Variants in NRXN3 observed in about 807,000 individuals in gnomAD.
NRXN3 encodes the protein neurexin 3.
A neutral mutation model predicts 137.6 loss-of-function variants in NRXN3; 32 were observed. The ratio of observed to expected loss-of-function variants is 0.23; its 90% CI spans 0.18 to 0.31. The LOEUF (loss-of-function observed/expected upper bound fraction) is 0.31, where lower values mean the gene tolerates loss of function less well. Ranked by LOEUF, NRXN3 falls within the 10% of genes least tolerant of loss-of-function variation. The pLI, the probability that NRXN3 is intolerant of heterozygous loss-of-function variation, is 1.00. For synonymous variants in NRXN3, 798 were observed against 784.5 expected (o/e 1.02, Z -0.29); for missense variants, 1,574 against 2,062.5 (o/e 0.76, Z 4.59).
intron 4 of NRXN3, among the ~76,000 whole-genome samples, chr14:78,597,286 C>T (rs1441199502): frequency 1.3e-5 from 2 of 152,208 alleles, no homozygotes; most frequent in Non-Finnish European, 2.9e-5. Context: ...CCCCTCCACA[C>T]TGTACTGATG....
chr14:78,778,006 G>A (rs138601700), intron 8 of NRXN3, among the ~76,000 whole-genome samples: 12 of 152,138 alleles, frequency 7.9e-5, no homozygotes, highest in Non-Finnish European at 1.5e-4. Flanking sequence ...CAAGTGATCC[G>A]CCCACCTCAG....
At chr14:78,989,487 C>G (rs1364682287) in intron 15 of NRXN3, among the ~76,000 whole-genome samples, 1 of 152,088 alleles carries the variant, frequency 6.6e-6, no homozygotes, top group Admixed American at 6.6e-5. Context: ...ATTACATAAG[C>G]ATATGTCTCT....
chr14:78,517,433 T>C (rs539531421), intron 4 of NRXN3, among the ~76,000 whole-genome samples: 193 of 152,264 alleles, frequency 1.3e-3, no homozygotes, highest in African/African-American at 4.2e-3. Context: ...CCAACTGTGG[T>C]TACAGCACAG....
At chr14:78,323,167 T>C (rs1046201061) in intron 4 of NRXN3, among the ~76,000 whole-genome samples, 1 of 152,102 alleles carries the variant, frequency 6.6e-6, no homozygotes, top group African/African-American at 2.4e-5. Flanking sequence ...TAAAATTGTA[T>C]ATATCTTCCC....
Position 79,563,207 on chromosome 14 carries a change from G to A in NRXN3, c.3444+95805G>A, listed in dbSNP as rs535531256. 9.2e-5 allele frequency among the ~76,000 whole-genome samples: 14 copies of A among 152,242 alleles called. No individual in the cohort carries two copies. The East Asian group carries it at 2.3e-3, about 25-fold the overall frequency. The stretch of plus-strand genomic sequence containing the variant: ...TATCCATAGAGAATAATATTAGAGC[G>A]AGGATCTAGTGTATTATTCCCATTT... On this transcript the variant is annotated intron_variant, in intron 16 of 20. Coordinates refer to ENST00000335750, the MANE Select transcript of NRXN3 (RefSeq NM_001330195.2).
In NRXN3 at chr14:79,413,050, A is replaced by G. The variant is rs192267999; in HGVS notation, c.3263-54171A>G. ...TCCTTGCCCTTCATATAATGTCCCA[A>G]TAGACACTTAACCTGACTCTACTTC... On this transcript the variant is annotated intron_variant, in intron 15 of 20. Transcript: ENST00000335750. 5.9e-5 allele frequency among the ~76,000 whole-genome samples: 9 copies of G among 152,266 alleles called. No individual in the cohort carries two copies. The East Asian group carries it at 9.7e-4, about 16-fold the overall frequency.
At chr14:78,318,057 G>A (rs193254429) in intron 4 of NRXN3, among the ~76,000 whole-genome samples, 105 of 152,238 alleles carry the variant, frequency 6.9e-4, no homozygotes, top group African/African-American at 2.3e-3. Flanking sequence ...AACCCAACTA[G>A]GTTCTTAATA....
chr14:78,445,319 G>A (rs752929126), intron 4 of NRXN3, among the ~76,000 whole-genome samples: 5 of 152,268 alleles, frequency 3.3e-5, no homozygotes, highest in South Asian at 2.1e-4. Flanking sequence ...TTATCTCTCC[G>A]GAACTCAGGT....
intron 19 of NRXN3, among the ~76,000 whole-genome samples, chr14:79,758,005 TTAAAG>T (rs1002544707): frequency 6.6e-5 from 10 of 152,172 alleles, no homozygotes; most frequent in South Asian, 2.1e-4. Flanking sequence ...ACATTATCCA[TTAAAG>T]TAGAGTGTGT....
chr14:78,357,111 A>G (rs935679877), intron 4 of NRXN3, among the ~76,000 whole-genome samples: 2 of 152,184 alleles, frequency 1.3e-5, no homozygotes, highest in African/African-American at 2.4e-5. Flanking sequence ...TGCTGCTGAT[A>G]AAGACATACC....
Position 78,645,154 on chromosome 14 carries a change from A to C in NRXN3, c.792A>C (p.Ser264=), listed in dbSNP as rs140907035. Residue 264 remains serine, a synonymous_variant, in exon 5 of 21, where the codon TCA becomes TCC. Coordinates refer to ENST00000335750, the MANE Select transcript of NRXN3 (RefSeq NM_001330195.2). ...REENVATFRG[S]EYLCYDLSQN... The stretch of plus-strand genomic sequence containing the variant: ...AGAATGTGGCCACTTTCCGAGGCTC[A>C]GAGTATCTGTGCTACGACCTGTCTC... 1 of 1,582,218 alleles carries C rather than the reference A, an allele frequency of 6.3e-7. No homozygotes were observed. Among genetic ancestry groups the C allele is most frequent in the Non-Finnish European group, 8.5e-7 (1 of 1,171,314 alleles).
At chr14:78,486,755 T>G (rs1166402774) in intron 4 of NRXN3, among the ~76,000 whole-genome samples, 1 of 152,070 alleles carries the variant, frequency 6.6e-6, no homozygotes, top group Non-Finnish European at 1.5e-5. Flanking sequence ...ACTTTTATGG[T>G]TTTGTCTATT....
intron 15 of NRXN3, among the ~76,000 whole-genome samples, chr14:79,242,326 G>T (rs1170875941): frequency 1.3e-5 from 2 of 152,136 alleles, no homozygotes; most frequent in Non-Finnish European, 2.9e-5. Flanking sequence ...AGGCAAGCCA[G>T]ATCTGAGGCC....
chr14:79,011,508 A>G (rs2099571302), intron 15 of NRXN3, among the ~76,000 whole-genome samples: 2 of 151,762 alleles, frequency 1.3e-5, no homozygotes, highest in African/African-American at 4.8e-5. Context: ...GGTTTTCTCT[A>G]TCATTATCCA....
At chr14:78,389,432 G>A (rs920493974) in intron 4 of NRXN3, among the ~76,000 whole-genome samples, 13 of 152,172 alleles carry the variant, frequency 8.5e-5, no homozygotes, top group Admixed American at 3.9e-4. Flanking sequence ...CCTGCAGAGC[G>A]TGAAAGCCAA....
intron 15 of NRXN3, among the ~76,000 whole-genome samples, chr14:79,184,738 T>A (rs1399743431): frequency 6.6e-6 from 1 of 152,220 alleles, no homozygotes; most frequent in East Asian, 1.9e-4. Context: ...GACTTCTCTT[T>A]AAATACCAGA....
At chr14:79,224,612 A>G (rs918841587) in intron 15 of NRXN3, among the ~76,000 whole-genome samples, 31 of 152,120 alleles carry the variant, frequency 2.0e-4, no homozygotes, top group African/African-American at 7.5e-4. Flanking sequence ...TTCCTCCAAA[A>G]TTCATGTCCT....
At chr14:79,382,170 T>A (rs1453282486) in intron 15 of NRXN3, among the ~76,000 whole-genome samples, 1 of 152,186 alleles carries the variant, frequency 6.6e-6, no homozygotes, top group Non-Finnish European at 1.5e-5. Context: ...ACGTAGGACA[T>A]CCCTGGCATA....
intron 15 of NRXN3, among the ~76,000 whole-genome samples, chr14:79,392,969 CAAAAAAAAAAA>C (rs3036678): frequency 3.3e-5 from 2 of 60,706 alleles, no homozygotes; most frequent in South Asian, 1.5e-3. Context: ...GGCTCCATCT[CAAAAAAAAAAA>C]AAAAAAAAAA....
Sources: gnomAD v4.1 joint callset for allele counts (sites outside exome capture counted in the v4.1 genomes callset) on GRCh38, gnomAD v4.1.1 for gene constraint, MANE v1.5 for transcripts, NCBI Gene and HGNC (gene_info 2026-07-23, HGNC 2026-07-21) for gene names.